Variants in TAFA2 observed in about 807,000 individuals in gnomAD.
TAFA2 encodes the protein TAFA chemokine like family member 2.
Under a neutral mutation model 18.8 loss-of-function variants are expected in TAFA2, and 7 were observed. That is an observed-to-expected ratio of 0.37 (90% CI 0.21 to 0.70). TAFA2 has a LOEUF of 0.70. Ranked by LOEUF, TAFA2 falls within the 30% of genes least tolerant of loss-of-function variation. TAFA2 has a pLI of 0.53. For synonymous variants in TAFA2, 60 were observed against 54.2 expected, an observed-to-expected ratio of 1.11 and a Z score of -0.47; for missense variants, 122 against 158.1, an observed-to-expected ratio of 0.77 and a Z score of 1.23.
chr12:62,055,684 G>T (rs2136780378), intron 1 of TAFA2, among the ~76,000 whole-genome samples: 1 of 152,186 alleles, frequency 6.6e-6, no homozygotes, highest in South Asian at 2.1e-4. Context: ...CTTTTTCAAA[G>T]TTCAGGTTAT....
At position 61,759,075 on chromosome 12, in the gene TAFA2, C is replaced by A. The variant is rs949882039; in HGVS notation, c.107-4051G>T. Among the ~76,000 whole-genome samples, 4 of 151,934 alleles carry A rather than the reference C, an allele frequency of 2.6e-5. No homozygotes were observed. In the East Asian group the frequency reaches 7.8e-4, roughly 29 times the overall value. On this transcript the variant is annotated intron_variant, in intron 2 of 4. Transcript: ENST00000416284. The stretch of plus-strand genomic sequence containing the variant: ...AAGAGGCACCATTCTAGCACCAAGG[C>A]CAGCTTCCTTCTGTATTTCAAGGAG...
chr12:62,196,561 G>A (rs972136367), upstream of TAFA2, among the ~76,000 whole-genome samples: 1 of 152,194 alleles, frequency 6.6e-6, no homozygotes, highest in Non-Finnish European at 1.5e-5. Context: ...GACCCCAGGA[G>A]AGAGAGGGAG....
intron 1 of TAFA2, among the ~76,000 whole-genome samples, chr12:62,030,555 T>C (rs1881430338): frequency 6.6e-6 from 1 of 151,952 alleles, no homozygotes; most frequent in Non-Finnish European, 1.5e-5. Context: ...CCAAGCCTAG[T>C]GGTATGAAGT....
At chr12:61,816,668 T>C (rs77033975) in intron 2 of TAFA2, among the ~76,000 whole-genome samples, 3,748 of 151,356 alleles carry the variant, frequency 0.025, 333 homozygotes, top group African/African-American at 0.087. Flanking sequence ...AGGGCTATTT[T>C]AAGTAGAGCA....
chr12:61,998,922 G>A (rs1174472303), intron 1 of TAFA2, among the ~76,000 whole-genome samples: 1 of 152,202 alleles, frequency 6.6e-6, no homozygotes, highest in Non-Finnish European at 1.5e-5. Flanking sequence ...CCGTATTGCA[G>A]GCAGCAGCTC....
At chr12:62,257,404 T>G (rs2062946030) in intron 1 of TAFA2, among the ~76,000 whole-genome samples, 1 of 152,182 alleles carries the variant, frequency 6.6e-6, no homozygotes, top group South Asian at 2.1e-4. Flanking sequence ...CACTTTAGTT[T>G]TAAACCTAAC....
chr12:61,980,265 A>G (rs1879584591), intron 1 of TAFA2, among the ~76,000 whole-genome samples: 1 of 152,202 alleles, frequency 6.6e-6, no homozygotes, highest in Non-Finnish European at 1.5e-5. Flanking sequence ...GCTTCATGCT[A>G]AAAACTCTCA....
At chr12:61,909,201 G>C (rs988984309) in intron 1 of TAFA2, among the ~76,000 whole-genome samples, 1 of 152,150 alleles carries the variant, frequency 6.6e-6, no homozygotes, top group South Asian at 2.1e-4. Flanking sequence ...CATTTTCAAG[G>C]TTCCATTATT....
At chr12:61,988,058 A>G (rs1879875627) in intron 1 of TAFA2, among the ~76,000 whole-genome samples, 1 of 152,162 alleles carries the variant, frequency 6.6e-6, no homozygotes, top group Admixed American at 6.5e-5. Flanking sequence ...GCCAGGAGGA[A>G]GGTTTTCCTG....
Position 62,254,063 on chromosome 12 carries a change from TA to T in TAFA2, c.-130+4699del, listed in dbSNP as rs758157242. 5.3e-5 allele frequency among the ~76,000 whole-genome samples: 8 copies of T among 152,236 alleles called. No homozygotes were observed. The East Asian group carries it at 1.2e-3, about 22-fold the overall frequency. ...GCTACACTTTAAATATTATCCTTCT[TA>T]ATCTCTTTGTAATTGTGTTTCTTTG... is the stretch of plus-strand genomic sequence containing the variant. On this transcript the variant is annotated intron_variant, in intron 1 of 5. Coordinates refer to the TAFA2 transcript ENST00000551619.
At chr12:61,985,159 C>A (rs141451945) in intron 1 of TAFA2, among the ~76,000 whole-genome samples, 1 of 152,164 alleles carries the variant, frequency 6.6e-6, no homozygotes, top group East Asian at 1.9e-4. Context: ...AAGAAATAAT[C>A]CCTGCACTGA....
At chr12:61,960,126 C>T (rs1007743582) in intron 1 of TAFA2, among the ~76,000 whole-genome samples, 1 of 152,060 alleles carries the variant, frequency 6.6e-6, no homozygotes, top group African/African-American at 2.4e-5. Context: ...TGTGATTTCA[C>T]ATTTTAAACT....
intron 1 of TAFA2, among the ~76,000 whole-genome samples, chr12:62,179,344 A>G (rs1018292380): frequency 6.6e-6 from 1 of 152,148 alleles, no homozygotes; most frequent in African/African-American, 2.4e-5. Context: ...TAGAAGCATT[A>G]TATGCTTCTA....
intron 1 of TAFA2, among the ~76,000 whole-genome samples, chr12:62,042,317 A>G (rs1881778643): frequency 6.6e-6 from 1 of 152,014 alleles, no homozygotes; most frequent in South Asian, 2.1e-4. Context: ...GAAACAGCAT[A>G]AGTCTCCTTG....
At chr12:62,233,022 A>T (rs2062818827) in intron 1 of TAFA2, among the ~76,000 whole-genome samples, 2 of 136,648 alleles carry the variant, frequency 1.5e-5, no homozygotes, top group Non-Finnish European at 3.1e-5. Context: ...CCCTTACCCA[A>T]TTGCAAGTCC....
chr12:61,858,283 G>A (rs533463282), intron 2 of TAFA2, among the ~76,000 whole-genome samples: 1 of 152,048 alleles, frequency 6.6e-6, no homozygotes, highest in African/African-American at 2.4e-5. Context: ...CAACACTTTT[G>A]TCACCAATTT....
intron 1 of TAFA2, among the ~76,000 whole-genome samples, chr12:62,011,065 C>T (rs1880743630): frequency 6.7e-6 from 1 of 148,164 alleles, no homozygotes; most frequent in Non-Finnish European, 1.5e-5. Context: ...TCTGCCCAGC[C>T]GCCCCGTCTG....
intron 1 of TAFA2, among the ~76,000 whole-genome samples, chr12:61,936,240 CT>C (rs1317371351): frequency 6.6e-6 from 1 of 152,124 alleles, no homozygotes; most frequent in Non-Finnish European, 1.5e-5. Flanking sequence ...ATATGATCAT[CT>C]CAATAGATGC....
At chr12:61,996,629 T>G (rs1880197713) in intron 1 of TAFA2, among the ~76,000 whole-genome samples, 1 of 152,118 alleles carries the variant, frequency 6.6e-6, no homozygotes, top group Admixed American at 6.6e-5. Flanking sequence ...GAGTCACAGC[T>G]GCCCACAGTT....
Sources: allele counts gnomAD v4.1 joint callset (sites outside exome capture counted in the v4.1 genomes callset), GRCh38; gene constraint gnomAD v4.1.1; transcripts MANE v1.5; gene names NCBI Gene and HGNC (gene_info 2026-07-23, HGNC 2026-07-21).